Variants in PROCR observed in about 807,000 individuals in gnomAD.
The protein encoded by PROCR is endothelial protein C receptor.
A neutral mutation model predicts 24.2 loss-of-function variants in PROCR; 22 were observed. The ratio of observed to expected loss-of-function variants is 0.91; its 90% CI spans 0.65 to 1.30. The LOEUF is 1.30. Ranked by LOEUF, PROCR falls within the 50% of genes most tolerant of loss-of-function variation. The probability of loss-of-function intolerance (pLI) is 0.00; values close to 1 mark genes in which losing one functional copy is unlikely to be tolerated. For synonymous variants in PROCR, 137 were observed against 139.2 expected (o/e 0.98, Z 0.11); for missense variants, 288 against 307.7 (o/e 0.94, Z 0.48).
intron 1 of PROCR, among the ~76,000 whole-genome samples, chr20:35,208,926 C>T (rs1453349562): frequency 1.3e-5 from 2 of 151,018 alleles, no homozygotes; most frequent in African/African-American, 4.9e-5. Flanking sequence ...GAGCCGAGAT[C>T]ACACCACTGC....
intron 2 of PROCR, among the ~76,000 whole-genome samples, chr20:35,175,578 C>CCTT (rs2086005872): frequency 2.5e-4 from 7 of 27,944 alleles, no homozygotes; most frequent in Non-Finnish European, 3.4e-4. Context: ...CCCCACCCCC[C>CCTT]TTTTTTTTTT....
At chr20:35,191,388 G>A (rs1220666551) in intron 1 of PROCR, among the ~76,000 whole-genome samples, 1 of 152,154 alleles carries the variant, frequency 6.6e-6, no homozygotes, top group Non-Finnish European at 1.5e-5. Flanking sequence ...TGGGAATAGA[G>A]CAATATAGCA....
chr20:35,198,158 A>G (rs2060305664), intron 1 of PROCR, among the ~76,000 whole-genome samples: 1 of 151,184 alleles, frequency 6.6e-6, no homozygotes, highest in Non-Finnish European at 1.5e-5. Context: ...TGGGCATAGT[A>G]GCGGGTGCCT....
chr20:35,203,041 G>C (rs1299197508), intron 1 of PROCR: 5 of 152,180 alleles, frequency 3.3e-5, no homozygotes. Context: ...ACTTTAGGAG[G>C]CTGAGGCAGT....
intron 1 of PROCR, among the ~76,000 whole-genome samples, chr20:35,205,486 T>G (rs899124308): frequency 2.7e-5 from 4 of 148,468 alleles, no homozygotes; most frequent in African/African-American, 7.4e-5. Context: ...GCGCAGTGGC[T>G]CACACCTATA....
At chr20:35,210,222 T>C (rs1192307015) in intron 1 of PROCR, among the ~76,000 whole-genome samples, 1 of 151,922 alleles carries the variant, frequency 6.6e-6, no homozygotes, top group Non-Finnish European at 1.5e-5. Flanking sequence ...CAAGACCCTA[T>C]CTCTAAGAAA....
downstream of PROCR, among the ~76,000 whole-genome samples, chr20:35,178,111 T>C (rs943020757): frequency 6.6e-6 from 1 of 151,960 alleles, no homozygotes; most frequent in African/African-American, 2.4e-5. Flanking sequence ...TTTAAGAGCA[T>C]GTGTTTTGTC....
chr20:35,178,506 A>ATTTTTTTT (rs1568592367), downstream of PROCR, among the ~76,000 whole-genome samples: 3 of 41,544 alleles, frequency 7.2e-5, no homozygotes, highest in Non-Finnish European at 1.1e-4. Context: ...TTCAAGTCTC[A>ATTTTTTTT]GTTTTTTTTT....
chr20:35,192,965 A>C (rs4911476), intron 1 of PROCR, among the ~76,000 whole-genome samples: 61,853 of 152,004 alleles, frequency 0.41, 13,330 homozygotes, highest in East Asian at 0.64. Flanking sequence ...TTAAACTACA[A>C]GTCTTAATAT....
chr20:35,180,149 A>G (rs571575497), downstream of PROCR, among the ~76,000 whole-genome samples: 50 of 152,146 alleles, frequency 3.3e-4, no homozygotes, highest in Non-Finnish European at 6.8e-4. Flanking sequence ...GCAGGGGCTG[A>G]GGCAGGAGAA....
At chr20:35,192,077 G>A (rs2086178065) in intron 1 of PROCR, among the ~76,000 whole-genome samples, 1 of 152,084 alleles carries the variant, frequency 6.6e-6, no homozygotes, top group Non-Finnish European at 1.5e-5. Flanking sequence ...AACAAGGAAG[G>A]AAAGAAAAGA....
intron 3 of PROCR, 21 bp from the exon 4 acceptor site, chr20:35,176,677 A>C: frequency 1.3e-6 from 2 of 1,596,098 alleles, no homozygotes; most frequent in East Asian, 2.3e-5. Flanking sequence ...TCTTCGGGCT[A>C]ACTCTTTGCA....
chr20:35,193,258 C>T (rs2086189243), intron 1 of PROCR, among the ~76,000 whole-genome samples: 1 of 151,980 alleles, frequency 6.6e-6, no homozygotes, highest in African/African-American at 2.4e-5. Context: ...TCACTGCAAC[C>T]TCCACCTCCC....
In PROCR at chr20:35,176,151, T is replaced by A. The variant is rs2086014146; in HGVS notation, c.323-17T>A. On this transcript the variant is annotated splice_polypyrimidine_tract_variant and intron_variant, in intron 2 of 3. Transcript: ENST00000216968. ...CCCTCTCTGCACAGTCCCCTGACCC[T>A]GACTGTCTATCCACAGTTCCTCTGA... is the stretch of plus-strand genomic sequence containing the variant. 1 of 1,611,982 alleles carries A rather than the reference T, an allele frequency of 6.2e-7. No individual in the cohort carries two copies. Among genetic ancestry groups the A allele is most frequent in the African/African-American group, 1.3e-5 (1 of 74,876 alleles).
chr20:35,197,811 G>GA (rs1329591031), intron 1 of PROCR, among the ~76,000 whole-genome samples: 1 of 134,820 alleles, frequency 7.4e-6, no homozygotes, highest in African/African-American at 2.7e-5. Flanking sequence ...GACAGAGCAA[G>GA]ACTCCGTCTC....
At chr20:35,186,566 C>CAA (rs571639984) in intron 1 of PROCR, among the ~76,000 whole-genome samples, 19 of 50,112 alleles carry the variant, frequency 3.8e-4, no homozygotes, top group African/African-American at 1.1e-3. Flanking sequence ...AACTCCATCT[C>CAA]AAAAAAAAAA....
intron 1 of PROCR, among the ~76,000 whole-genome samples, chr20:35,210,040 A>T (rs2146180845): frequency 6.6e-6 from 1 of 152,252 alleles, no homozygotes; most frequent in East Asian, 1.9e-4. Flanking sequence ...CAACCTGGGC[A>T]ACATAGAGAA....
chr20:35,215,497 CTT>C (rs80325545), intron 1 of PROCR, among the ~76,000 whole-genome samples: 52 of 143,412 alleles, frequency 3.6e-4, no homozygotes, highest in Middle Eastern at 3.6e-3. Context: ...CAAGTCTTAT[CTT>C]TTTTTTTTTT....
rs780274382 is a variant in PROCR at position 35,174,765 on chromosome 20, A to C, written c.134A>C (p.Gln45Pro). Reference sequence around the variant, plus strand: ...CGCGACCCCTATCACGTGTGGTACCAGGGCAACGCGTCGCTGGGGGGACAC... The same window carrying C: ...CGCGACCCCTATCACGTGTGGTACCCGGGCAACGCGTCGCTGGGGGGACAC... ...YFRDPYHVWY[Q>P]GNASLGGHLT... Residue 45 changes from glutamine (Q) to proline (P), a missense_variant, in exon 2 of 4, where the codon CAG becomes CCG. By Grantham distance (76) the Gln-to-Pro change is moderately conservative. Transcript: ENST00000216968. 6.2e-7 allele frequency: 1 copy of C among 1,614,066 alleles called. No individual in the cohort carries two copies. The highest frequency in any genetic ancestry group is 1.1e-5 in the South Asian group (1 of 91,074).
Sources: allele counts gnomAD v4.1 joint callset (sites outside exome capture counted in the v4.1 genomes callset), GRCh38; gene constraint gnomAD v4.1.1; transcripts MANE v1.5; gene names NCBI Gene and HGNC (gene_info 2026-07-23, HGNC 2026-07-21).